Variants in GALNT12 observed in about 807,000 individuals in gnomAD.
GALNT12 encodes the protein UDP-GalNAc:polypeptide N-acetylgalactosaminyltransferase 12.
Under a neutral mutation model 55.5 loss-of-function variants are expected in GALNT12, and 45 were observed. That is an observed-to-expected ratio of 0.81 (90% confidence interval 0.64 to 1.04). GALNT12 has a LOEUF of 1.04. GALNT12 is among the 50% of genes least tolerant of loss of function. The pLI is 0.00. For synonymous variants in GALNT12, 304 were observed against 312.2 expected (o/e 0.97, Z 0.28); for missense variants, 709 against 754.8 (o/e 0.94, Z 0.71).
chr9:98,832,314 G>A (rs574816433), intron 4 of GALNT12, among the ~76,000 whole-genome samples: 36 of 152,102 alleles, frequency 2.4e-4, no homozygotes, highest in Non-Finnish European at 5.3e-4. Context: ...GAGTCCAGGA[G>A]TTTGAGACCA....
chr9:98,820,877 A>T (rs1477891914), intron 1 of GALNT12, among the ~76,000 whole-genome samples: 1 of 152,234 alleles, frequency 6.6e-6, no homozygotes, highest in African/African-American at 2.4e-5. Flanking sequence ...CTTTGTTGAA[A>T]TACTGTAGAC....
At chr9:98,815,338 T>C (rs1835587655) in intron 1 of GALNT12, among the ~76,000 whole-genome samples, 1 of 152,236 alleles carries the variant, frequency 6.6e-6, no homozygotes, top group Non-Finnish European at 1.5e-5. Flanking sequence ...TTAGATGATT[T>C]TGCCCAACTA....
intron 6 of GALNT12, among the ~76,000 whole-genome samples, chr9:98,839,251 T>C: frequency 6.6e-6 from 1 of 152,250 alleles, no homozygotes; most frequent in South Asian, 2.1e-4. Context: ...GAAAGAACTC[T>C]GGGAAATAGC....
chr9:98,839,301 C>T (rs967109105), intron 6 of GALNT12, among the ~76,000 whole-genome samples: 8 of 152,328 alleles, frequency 5.3e-5, no homozygotes, highest in African/African-American at 1.9e-4. Flanking sequence ...CTTATTATTA[C>T]CATTTTGTTC....
rs189210967 is a variant in GALNT12 at position 98,844,218 on chromosome 9, G to T, written c.1458+9G>T. On this transcript the variant is annotated intron_variant, in intron 8 of 9. Transcript: ENST00000375011. ...GGATGGGCCAGAATCAGGTAGGTAT[G>T]AGCCTCAAAAGAGGAGAAAGCTGTG... 1.3e-6 allele frequency: 2 copies of T among 1,520,286 alleles called. No homozygotes were observed. Among genetic ancestry groups the T allele is most frequent in the Non-Finnish European group, 1.8e-6 (2 of 1,094,242 alleles). The allele number at this position is 1,520,286 out of a possible 1,614,324, so 94.2% of individuals were successfully genotyped here.
chr9:98,820,723 A>AAAGCTTTT (rs1443081324), intron 1 of GALNT12, among the ~76,000 whole-genome samples: 1 of 152,206 alleles, frequency 6.6e-6, no homozygotes, highest in African/African-American at 2.4e-5. Flanking sequence ...CAACAGTGTA[A>AAAGCTTTT]AAGCTTTCCT....
intron 1 of GALNT12, among the ~76,000 whole-genome samples, chr9:98,818,642 A>G (rs1341267092): frequency 6.6e-6 from 1 of 152,098 alleles, no homozygotes. Flanking sequence ...TCAGTCGGGA[A>G]CAGTTCCTCA....
At chr9:98,814,712 A>G (rs1056904639) in intron 1 of GALNT12, among the ~76,000 whole-genome samples, 20 of 152,106 alleles carry the variant, frequency 1.3e-4, no homozygotes, top group Admixed American at 1.3e-3. Flanking sequence ...AGGAAGATCA[A>G]GAGGCATTTA....
rs2118452331 is a variant in GALNT12 at position 98,837,141 on chromosome 9, C to G, written c.1205C>G (p.Ala402Gly). The G allele has an allele frequency of 6.2e-7, 1 of 1,614,142 alleles. No individual in the cohort carries two copies. The highest frequency in any genetic ancestry group is 2.2e-5 in the East Asian group (1 of 44,868). ...CTCTACTACCATCGCAACCCCCGTGCCCGCTTGGTGAGTTCCTCGGCCCAC... is the reference window on the plus strand; with the variant it reads ...CTCTACTACCATCGCAACCCCCGTGGCCGCTTGGTGAGTTCCTCGGCCCAC... ...KELYYHRNPR[A>G]RLEPFGDVTE... The change falls in exon 6 of 10, where the codon GCC becomes GGC. Residue 402 changes from alanine to glycine, a missense_variant. Ala to Gly is a moderately conservative substitution (Grantham distance 60). This residue lies in a region of GALNT12 where 262 missense variants were observed against 310.7 expected (regional missense o/e 0.84). Transcript: ENST00000375011.
At chr9:98,816,494 C>T (rs546213074) in intron 1 of GALNT12, among the ~76,000 whole-genome samples, 12 of 152,116 alleles carry the variant, frequency 7.9e-5, no homozygotes, top group African/African-American at 2.9e-4. Context: ...ATTGAATGCA[C>T]CTCACTTTGA....
At chr9:98,844,349 GTTAAAA>G (rs1836365279) in intron 8 of GALNT12, 140 bp downstream of exon 8, 4 of 667,968 alleles carry the variant, frequency 6.0e-6, no homozygotes, top group African/African-American at 3.6e-5. Flanking sequence ...AGAGACCACT[GTTAAAA>G]TTAAAATGTG....
chr9:98,843,287 GAGTATTA>G (rs1836336907), intron 7 of GALNT12, among the ~76,000 whole-genome samples: 1 of 152,066 alleles, frequency 6.6e-6, no homozygotes, highest in African/African-American at 2.4e-5. Context: ...CTACAGCTTA[GAGTATTA>G]TACTGAATGA....
chr9:98,823,822 G>A (rs112056674), intron 2 of GALNT12, among the ~76,000 whole-genome samples: 4 of 152,342 alleles, frequency 2.6e-5, no homozygotes, highest in African/African-American at 9.6e-5. Flanking sequence ...GCTGTGCGGG[G>A]AATGGCCAAT....
intron 9 of GALNT12, among the ~76,000 whole-genome samples, chr9:98,846,856 CAAAAA>C (rs757918355): frequency 9.2e-6 from 1 of 109,270 alleles, no homozygotes. Context: ...GACTCCGTCT[CAAAAA>C]AAAAAAAAAA....
chr9:98,844,253 A>T (rs767386033), intron 8 of GALNT12, 44 bp downstream of exon 8: 237 of 1,286,142 alleles, frequency 1.8e-4, no homozygotes, highest in Non-Finnish European at 2.5e-4. Flanking sequence ...GTGTTTTGTT[A>T]AAAAAATTAA....
At position 98,849,072 on chromosome 9, in the gene GALNT12, T is replaced by G; in HGVS notation, c.1726T>G (p.Phe576Val). The G allele has an allele frequency of 6.2e-7, 1 of 1,614,222 alleles. No homozygotes were observed. The highest frequency in any genetic ancestry group is 8.5e-7 in the Non-Finnish European group (1 of 1,180,034). ...CAACTCGGATCATCAGAAATGGTTC[T>G]TCAAAGAGCGCATGTTATGAAGCCT... Reference protein sequence around the residue: ...CTNSDHQKWFFKERML With the variant: ...CTNSDHQKWFVKERML The change falls in exon 10 of 10, where the codon TTC (phenylalanine) becomes GTC (valine). Residue 576 changes from phenylalanine (F) to valine (V), a missense_variant. This residue lies in a region of GALNT12 where 262 missense variants were observed against 310.7 expected (regional missense o/e 0.84). Coordinates refer to ENST00000375011, the MANE Select transcript of GALNT12 (RefSeq NM_024642.5).
In GALNT12 at chr9:98,826,738, G is replaced by T; in HGVS notation, c.542-14G>T. On this transcript the variant is annotated splice_polypyrimidine_tract_variant and intron_variant, in intron 2 of 9. Coordinates refer to ENST00000375011, the MANE Select transcript of GALNT12 (RefSeq NM_024642.5). ...TTGTCACGGTGACCCCTGTTGCTTT[G>T]TTTGCCTCCCTAGAGCACCTGAAGG... 1 of 1,609,434 alleles carries T rather than the reference G, an allele frequency of 6.2e-7. No homozygotes were observed.
chr9:98,827,075 G>A (rs965039940), intron 3 of GALNT12, 134 bp downstream of exon 3: 2 of 920,802 alleles, frequency 2.2e-6, no homozygotes, highest in East Asian at 5.3e-5. Context: ...GGGCAGGAGA[G>A]CAGTCCCTGC....
intron 1 of GALNT12, among the ~76,000 whole-genome samples, chr9:98,810,326 A>G (rs570684492): frequency 1.1e-4 from 16 of 152,290 alleles, no homozygotes; most frequent in South Asian, 2.1e-4. Flanking sequence ...CCACACCCCC[A>G]GGTCACATAG....
Sources: allele counts gnomAD v4.1 joint callset (sites outside exome capture counted in the v4.1 genomes callset), GRCh38; gene constraint gnomAD v4.1.1; regional missense constraint gnomAD v4.1.1; transcripts MANE v1.5; gene names NCBI Gene and HGNC (gene_info 2026-07-23, HGNC 2026-07-21).